The following FTO variants were observed in gnomAD, a reference collection of about 807,000 sequenced individuals.
FTO encodes the protein FTO alpha-ketoglutarate dependent dioxygenase.
FTO carries 47 observed loss-of-function variants against 63.9 expected under a neutral mutation model. The ratio of observed to expected loss-of-function variants is 0.74; its 90% CI spans 0.58 to 0.94. The LOEUF is 0.94. FTO is among the 40% of genes least tolerant of loss of function. The pLI is 0.00. For synonymous variants in FTO, 207 were observed against 224.4 expected (o/e 0.92, Z 0.69); for missense variants, 562 against 618.1 (o/e 0.91, Z 0.96).
chr16:54,079,430 T>G (rs2086086013), intron 8 of FTO, among the ~76,000 whole-genome samples: 1 of 151,838 alleles, frequency 6.6e-6, no homozygotes, highest in Non-Finnish European at 1.5e-5. Context: ...TTTACTAGAG[T>G]TAGGGAATAG....
chr16:53,880,736 G>T (rs1265989249), intron 6 of FTO, among the ~76,000 whole-genome samples: 1 of 151,976 alleles, frequency 6.6e-6, no homozygotes, highest in Non-Finnish European at 1.5e-5. Flanking sequence ...GCAGAGCTTC[G>T]TGATCTCTCA....
At chr16:54,005,462 T>C (rs1286812975) in intron 8 of FTO, among the ~76,000 whole-genome samples, 1 of 150,924 alleles carries the variant, frequency 6.6e-6, no homozygotes, top group Non-Finnish European at 1.5e-5. Context: ...TTATTACTTA[T>C]CCTAGTATAT....
chr16:53,871,594 TTC>T (rs1280089678), intron 4 of FTO, among the ~76,000 whole-genome samples: 3 of 152,190 alleles, frequency 2.0e-5, no homozygotes, highest in African/African-American at 7.2e-5. Flanking sequence ...TATCTTTCAT[TTC>T]TCTGTTACTT....
In FTO at chr16:54,115,889, T is replaced by C. The variant is rs2086971695; in HGVS notation, c.*3974T>C. The C allele has an allele frequency of 1.3e-5, 2 of 152,264 alleles. No homozygotes were observed. Among genetic ancestry groups the C allele is most frequent in the Admixed American group, 1.3e-4 (2 of 15,288 alleles). 9.4% of individuals were successfully genotyped at this position (152,264 alleles called of 1,614,324 possible). On this transcript the variant is annotated 3_prime_UTR_variant, in exon 9 of 9. Coordinates refer to ENST00000471389, the MANE Select transcript of FTO (RefSeq NM_001080432.3). ...GGCTTTCCAACTGGGAATGTCCCCC[T>C]GGCTGGGTGAGATCTCAAGATGGCC...
chr16:54,104,866 G>A (rs1278721450), intron 8 of FTO, among the ~76,000 whole-genome samples: 5 of 152,266 alleles, frequency 3.3e-5, no homozygotes, highest in East Asian at 3.9e-4. Flanking sequence ...TTTTATTTGC[G>A]AGCGTTACAA....
intron 8 of FTO, among the ~76,000 whole-genome samples, chr16:54,079,737 G>A (rs1279157567): frequency 1.3e-5 from 2 of 152,170 alleles, no homozygotes; most frequent in African/African-American, 2.4e-5. Context: ...GAACGTGTAT[G>A]TCCTATCTAA....
chr16:54,077,050 T>C (rs1378873860), intron 8 of FTO, among the ~76,000 whole-genome samples: 1 of 152,236 alleles, frequency 6.6e-6, no homozygotes, highest in Admixed American at 6.5e-5. Context: ...GTCATTATTA[T>C]ATCATAATCA....
intron 8 of FTO, among the ~76,000 whole-genome samples, chr16:53,938,142 C>G (rs1384689054): frequency 2.0e-5 from 3 of 152,224 alleles, no homozygotes; most frequent in Non-Finnish European, 2.9e-5. Flanking sequence ...CAGCATCTGA[C>G]CACTGATTAT....
intron 8 of FTO, among the ~76,000 whole-genome samples, chr16:54,103,622 G>A (rs1364298562): frequency 6.6e-6 from 1 of 152,198 alleles, no homozygotes; most frequent in African/African-American, 2.4e-5. Context: ...TAGGTAAACT[G>A]AGTTATTTGA....
chr16:53,834,034 A>AT (rs969840710), intron 3 of FTO, among the ~76,000 whole-genome samples: 6 of 146,042 alleles, frequency 4.1e-5, no homozygotes, highest in African/African-American at 1.0e-4. Context: ...TTTTTTTTTT[A>AT]TTTTTTTTGA....
At chr16:54,099,188 G>A (rs1726974016) in intron 8 of FTO, among the ~76,000 whole-genome samples, 3 of 152,264 alleles carry the variant, frequency 2.0e-5, no homozygotes, top group African/African-American at 7.2e-5. Flanking sequence ...TGGACCTGCT[G>A]CCATGTCGTA....
At chr16:53,776,668 CTT>C (rs2077467194) in intron 1 of FTO, among the ~76,000 whole-genome samples, 1 of 152,132 alleles carries the variant, frequency 6.6e-6, no homozygotes, top group Non-Finnish European at 1.5e-5. Flanking sequence ...AAAAATAACT[CTT>C]TTCCAATGTA....
intron 7 of FTO, among the ~76,000 whole-genome samples, chr16:53,898,825 C>T (rs1301655645): frequency 6.6e-6 from 1 of 152,106 alleles, no homozygotes; most frequent in African/African-American, 2.4e-5. Context: ...AACTACAAGC[C>T]ATCATGCCTG....
At chr16:53,910,048 T>A (rs1318723558) in intron 7 of FTO, among the ~76,000 whole-genome samples, 1 of 152,100 alleles carries the variant, frequency 6.6e-6, no homozygotes, top group Non-Finnish European at 1.5e-5. Context: ...CTAGCTACTA[T>A]GCCCGGCTAA....
chr16:53,861,261 C>T (rs2080167002), intron 4 of FTO, among the ~76,000 whole-genome samples: 1 of 152,156 alleles, frequency 6.6e-6, no homozygotes, highest in African/African-American at 2.4e-5. Flanking sequence ...GAGAGATTTT[C>T]ATTTTCATTC....
At chr16:54,099,903 A>G (rs2086598149) in intron 8 of FTO, among the ~76,000 whole-genome samples, 1 of 152,168 alleles carries the variant, frequency 6.6e-6, no homozygotes, top group Admixed American at 6.5e-5. Context: ...TTCCTCTGAA[A>G]TGGAGCTGAA....
rs2086935591 is a variant in FTO, at chr16:54,113,509, GTC to G, written c.*1599_*1600del. On this transcript the variant is annotated 3_prime_UTR_variant, in exon 9 of 9. Transcript: ENST00000471389. ...AGGGTCTCATCGTGTTGAGACTCGA[GTC>G]TCTCAGACCTTGGATTCATTCCCTG... 6.6e-6 allele frequency: 1 copy of G among 152,176 alleles called. No homozygotes were observed. The highest frequency in any genetic ancestry group is 2.1e-4 in the South Asian group (1 of 4,828). The allele number at this position is 152,176 out of a possible 1,614,324, so 9.4% of individuals were successfully genotyped here.
Position 53,844,450 on chromosome 16 carries a change from T to A in FTO, c.895+152T>A, listed in dbSNP as rs566037865. 71 of 688,222 alleles carry A rather than the reference T, an allele frequency of 1.0e-4. No individual in the cohort carries two copies. In the African/African-American group the frequency reaches 1.2e-3, roughly 12 times the overall value. 42.6% of individuals were successfully genotyped at this position (688,222 alleles called of 1,614,324 possible). A position where few individuals can be genotyped will look rare whatever the true frequency, so the allele number is the denominator to read the frequency against. On this transcript the variant is annotated intron_variant, in intron 4 of 8. Coordinates refer to ENST00000471389, the MANE Select transcript of FTO (RefSeq NM_001080432.3). Reference sequence around the variant, plus strand: ...TTATAAGAACATGTAACTAGGTTTTTCTTTTTTGAGATATTGCTGATTTTT... The same window carrying A: ...TTATAAGAACATGTAACTAGGTTTTACTTTTTTGAGATATTGCTGATTTTT...
At chr16:53,837,328 G>A (rs1172189122) in intron 3 of FTO, among the ~76,000 whole-genome samples, 2 of 152,194 alleles carry the variant, frequency 1.3e-5, no homozygotes, top group Admixed American at 1.3e-4. Context: ...CAGACATGAT[G>A]TTGAAGGGCT....
Sources: gnomAD v4.1 joint callset for allele counts (sites outside exome capture counted in the v4.1 genomes callset) on GRCh38, gnomAD v4.1.1 for gene constraint, MANE v1.5 for transcripts, NCBI Gene and HGNC (gene_info 2026-07-23, HGNC 2026-07-21) for gene names.